Variants in ZNF469 observed in about 807,000 individuals in gnomAD.
ZNF469 encodes the protein zinc finger protein 469.
Under a neutral mutation model 1.0 loss-of-function variants are expected in ZNF469, and 1 was observed. That is an observed-to-expected ratio of 1.00 (90% CI 0.35 to 4.73). The LOEUF is 4.73. Among genes scored for constraint, ZNF469 ranks in the 30% most tolerant of loss-of-function variants. ZNF469 has a pLI of 0.16. For missense variants in ZNF469, 6,100 were observed against 5,356.3 expected, an observed-to-expected ratio of 1.14 and a Z score of -4.33; for synonymous variants, 2,703 against 2,363.4, an observed-to-expected ratio of 1.14 and a Z score of -4.17.
At chr16:88,308,528 A>ATGTTCTGTT in the ZNF469 span, among the ~76,000 whole-genome samples, 1 of 151,684 alleles carries the variant, frequency 6.6e-6, no homozygotes, top group Non-Finnish European at 1.5e-5. Context: ...GCCCCTCCAC[A>ATGTTCTGTT]CTCTGTTCTC....
chr16:88,191,237 T>C, the ZNF469 span, among the ~76,000 whole-genome samples: 1 of 152,084 alleles, frequency 6.6e-6, no homozygotes, highest in East Asian at 1.9e-4. Flanking sequence ...TTCTACTCTT[T>C]CCTTTCTTTG....
the ZNF469 span, among the ~76,000 whole-genome samples, chr16:88,121,544 G>A: frequency 2.6e-5 from 4 of 152,252 alleles, no homozygotes; most frequent in African/African-American, 9.6e-5. Flanking sequence ...AAGTCTGGCT[G>A]TCACGTCACA....
chr16:88,123,231 C>G, the ZNF469 span, among the ~76,000 whole-genome samples: 7 of 152,126 alleles, frequency 4.6e-5, no homozygotes, highest in Non-Finnish European at 4.4e-5. Flanking sequence ...GACGGTTTTC[C>G]AGGGTTTCGT....
the ZNF469 span, among the ~76,000 whole-genome samples, chr16:88,105,400 G>A: frequency 2.7e-5 from 4 of 150,466 alleles, no homozygotes; most frequent in Middle Eastern, 3.4e-3. Flanking sequence ...TGCCTCCCAG[G>A]TTCAAGGGAT....
the ZNF469 span, among the ~76,000 whole-genome samples, chr16:88,273,319 A>G: frequency 2.0e-5 from 3 of 151,824 alleles, no homozygotes; most frequent in East Asian, 5.8e-4. Flanking sequence ...ACTCTGCAGT[A>G]GTTCCTCAAT....
chr16:88,380,339 GCGC>G, upstream of ZNF469, among the ~76,000 whole-genome samples: 1 of 47,244 alleles, frequency 2.1e-5, no homozygotes, highest in African/African-American at 2.4e-4. Context: ...ACTCACACAT[GCGC>G]TCACACACAT....
intron 1 of ZNF469, among the ~76,000 whole-genome samples, chr16:88,402,897 G>T (rs1904923375): frequency 6.6e-6 from 1 of 152,136 alleles, no homozygotes; most frequent in Non-Finnish European, 1.5e-5. Context: ...GGCTTTCCCT[G>T]GGCTCTGCTG....
chr16:88,213,944 A>G, the ZNF469 span, among the ~76,000 whole-genome samples: 1 of 152,078 alleles, frequency 6.6e-6, no homozygotes, highest in African/African-American at 2.4e-5. Flanking sequence ...CATTTATATT[A>G]TTCTCTGTCA....
the ZNF469 span, among the ~76,000 whole-genome samples, chr16:88,282,442 C>T: frequency 1.3e-5 from 2 of 152,154 alleles, no homozygotes; most frequent in South Asian, 2.1e-4. Flanking sequence ...ACAATCATGC[C>T]CGCAGTGCCT....
At chr16:88,158,798 G>A in the ZNF469 span, among the ~76,000 whole-genome samples, 1 of 152,180 alleles carries the variant, frequency 6.6e-6, no homozygotes, top group Non-Finnish European at 1.5e-5. Context: ...ACAGGACTGG[G>A]GTCTGGGGGG....
At chr16:88,130,473 A>C in the ZNF469 span, among the ~76,000 whole-genome samples, 16 of 152,110 alleles carry the variant, frequency 1.1e-4, no homozygotes, top group African/African-American at 2.9e-4. Flanking sequence ...GTGGAGGCCG[A>C]GGCGGGCGGA....
upstream of ZNF469, among the ~76,000 whole-genome samples, chr16:88,379,028 T>G (rs1260458620): frequency 6.6e-6 from 1 of 152,088 alleles, no homozygotes; most frequent in Non-Finnish European, 1.5e-5. Flanking sequence ...TGACCTCGAG[T>G]GCCAATGGCA....
At chr16:88,282,609 C>A in the ZNF469 span, among the ~76,000 whole-genome samples, 3 of 152,198 alleles carry the variant, frequency 2.0e-5, no homozygotes, top group Non-Finnish European at 2.9e-5. Flanking sequence ...CCAGACTCCT[C>A]CACACAGCTG....
chr16:88,428,619 A>T lies in ZNF469; in HGVS notation c.1149A>T (p.Arg383Ser), dbSNP rs1171715352. The T allele has an allele frequency of 7.1e-6, 11 of 1,550,066 alleles. No homozygotes were observed. The highest frequency in any genetic ancestry group is 3.6e-5 in the South Asian group (3 of 84,068). Residue 383 changes from arginine to serine, a missense_variant, in exon 3 of 3, where the codon AGA becomes AGT. Physicochemically the swap from Arg to Ser is moderately radical, Grantham distance 110. Transcript: ENST00000565624. ...GCCTGACCAAAATCCTTCCCGAAAG[A>T]CCACCTTCAGCCCAGGATGGGCTGG... is the stretch of plus-strand genomic sequence containing the variant. ...HKSLTKILPE[R>S]PPSAQDGLGS...
Position 88,431,008 on chromosome 16 carries a change from A to G in ZNF469, c.3538A>G (p.Thr1180Ala). ...QARGPSRSLE[T>A]GAAAREGGPK... ...CCGTGGCCCGTCTCGAAGCCTGGAG[A>G]CGGGAGCGGCCGCCAGGGAGGGAGG... Residue 1180 changes from threonine (T) to alanine (A), a missense_variant, in exon 3 of 3, where the codon ACG becomes GCG. Physicochemically the swap from Thr to Ala is moderately conservative, Grantham distance 58. Coordinates refer to ENST00000565624, the MANE Select transcript of ZNF469 (RefSeq NM_001367624.2). 6.5e-7 allele frequency: 1 copy of G among 1,542,746 alleles called. No individual in the cohort carries two copies. The highest frequency in any genetic ancestry group is 8.7e-7 in the Non-Finnish European group (1 of 1,146,444).
At chr16:88,270,033 C>G in the ZNF469 span, among the ~76,000 whole-genome samples, 506 of 152,316 alleles carry the variant, frequency 3.3e-3, 2 homozygotes, top group Middle Eastern at 0.02. Context: ...TCAGCACTGC[C>G]TCCTGTAGAC....
Position 88,432,726 on chromosome 16 carries a change from T to C in ZNF469, c.5256T>C (p.Asn1752=). The change falls in exon 3 of 3, where the codon AAT becomes AAC. Residue 1752 remains asparagine (N), a synonymous_variant. Transcript: ENST00000565624. Reference sequence around the variant, plus strand: ...ACCAGGAACTTTCATTTCCTAAGAATAAGGAGGCCGCCAGCTCACAAGAAA... The same window carrying C: ...ACCAGGAACTTTCATTTCCTAAGAACAAGGAGGCCGCCAGCTCACAAGAAA... ...SPDQELSFPK[N]KEAASSQESE... The C allele has an allele frequency of 3.2e-6, 5 of 1,550,344 alleles. No homozygotes were observed. Among genetic ancestry groups the C allele is most frequent in the Non-Finnish European group, 4.4e-6 (5 of 1,146,970 alleles).
chr16:88,324,380 G>A, the ZNF469 span, among the ~76,000 whole-genome samples: 1 of 152,262 alleles, frequency 6.6e-6, no homozygotes, highest in Non-Finnish European at 1.5e-5. Context: ...TTGTGTCACA[G>A]CTGTGCCGTC....
At chr16:88,206,437 A>T in the ZNF469 span, among the ~76,000 whole-genome samples, 4 of 152,288 alleles carry the variant, frequency 2.6e-5, no homozygotes, top group East Asian at 7.8e-4. Flanking sequence ...AAGAGCAAGC[A>T]GAGGCCCTTT....
Sources: gnomAD v4.1 joint callset for allele counts (sites outside exome capture counted in the v4.1 genomes callset) on GRCh38, gnomAD v4.1.1 for gene constraint, MANE v1.5 for transcripts, NCBI Gene and HGNC (gene_info 2026-07-23, HGNC 2026-07-21) for gene names.